Variants in RSBN1 observed in about 807,000 individuals in gnomAD.
RSBN1 encodes lysine-specific demethylase 9.
Under a neutral mutation model 74.8 loss-of-function variants are expected in RSBN1, and 23 were observed. The observed-to-expected ratio is 0.31, with a 90% CI of 0.22 to 0.44. The LOEUF (loss-of-function observed/expected upper bound fraction) is 0.44. Among genes scored for constraint, RSBN1 ranks in the 20% least tolerant of loss-of-function variants. The pLI is 1.00. For missense variants in RSBN1, 808 were observed against 1,020.9 expected (o/e 0.79, Z 2.84); for synonymous variants, 407 against 379.6 (o/e 1.07, Z -0.84).
chr1:113,771,810 C>CAAAAAA lies in RSBN1; in HGVS notation c.1659-3427_1659-3422dup, dbSNP rs71779986. ...TCAAGAAAAGTTTATGTTCCTACCT[C>CAAAAAA]AAAAAAAAAAAAAAAAAAAAGGAGG... is the stretch of plus-strand genomic sequence containing the variant. On this transcript the variant is annotated intron_variant, in intron 4 of 6. Transcript: ENST00000261441. 2.7e-5 allele frequency among the ~76,000 whole-genome samples: 2 copies of CAAAAAA among 75,344 alleles called. 1 individual carries two copies. The highest frequency in any genetic ancestry group is 5.0e-5 in the Non-Finnish European group (2 of 40,132). The allele number at this position is 75,344 out of a possible 152,430, so 49.4% of individuals were successfully genotyped here. A position where few individuals can be genotyped will look rare whatever the true frequency, so the allele number is the denominator to read the frequency against.
intron 2 of RSBN1, 29 bp downstream of exon 2, chr1:113,797,334 C>CTAAA (rs3838298): frequency 0.74 from 1,151,517 of 1,549,672 alleles, 433,589 homozygotes; most frequent in African/African-American, 0.9. Context: ...ATCGTATTTA[C>CTAAA]TAATTTTTAA....
rs574584555 is a variant in RSBN1 at position 113,800,715 on chromosome 1, T to C, written c.704-2679A>G. The stretch of plus-strand genomic sequence containing the variant: ...TGCGTTGATTGTAACACATTTTCTG[T>C]ATTACTATCAACTTTCCAGTGGTAT... On this transcript the variant is annotated intron_variant, in intron 1 of 6. Coordinates refer to ENST00000261441, the MANE Select transcript of RSBN1 (RefSeq NM_018364.5). 2.6e-5 allele frequency among the ~76,000 whole-genome samples: 4 copies of C among 152,254 alleles called. No individual in the cohort carries two copies. The East Asian group carries it at 7.7e-4, about 29-fold the overall frequency.
Position 113,812,344 on chromosome 1 carries a change from G to T in RSBN1, c.69C>A (p.Gly23=). ...ATCGCGCAAGCGCCGCCCGCGCACT[G>T]CCCGCTGGGCATTGGAGTCTCTCCT... The part of the protein sequence containing the change: ...RAEERLQCPA[G]SARAALARCA... The change falls in exon 1 of 7, where the codon GGC becomes GGA. Residue 23 remains glycine (G), a synonymous_variant. Coordinates refer to ENST00000261441, the MANE Select transcript of RSBN1 (RefSeq NM_018364.5). 6.2e-7 allele frequency: 1 copy of T among 1,603,470 alleles called. No individual in the cohort carries two copies. Among genetic ancestry groups the T allele is most frequent in the South Asian group, 1.1e-5 (1 of 91,002 alleles).
At chr1:113,810,291 A>G (rs548760515) in intron 1 of RSBN1, among the ~76,000 whole-genome samples, 10 of 152,274 alleles carry the variant, frequency 6.6e-5, no homozygotes, top group Admixed American at 1.3e-4. Context: ...TTGATTGAAC[A>G]GGCCTCTTTA....
At position 113,812,336 on chromosome 1, in the gene RSBN1, C is replaced by T. The variant is rs1371598038; in HGVS notation, c.77G>A (p.Arg26Gln). Residue 26 changes from arginine (R) to glutamine (Q), a missense_variant, in exon 1 of 7, where the codon CGG (arginine) becomes CAG (glutamine). By Grantham distance (43) the Arg-to-Gln change is conservative. Transcript: ENST00000261441. ...ERLQCPAGSA[R>Q]AALARCADGG... ...GTCCGCGCATCGCGCAAGCGCCGCC[C>T]GCGCACTGCCCGCTGGGCATTGGAG... The T allele has an allele frequency of 3.1e-6, 5 of 1,603,606 alleles. No individual in the cohort carries two copies. The East Asian group carries it at 6.7e-5, about 21-fold the overall frequency.
chr1:113,768,105 G>T, intron 5 of RSBN1, 117 bp downstream of exon 5: 4 of 825,098 alleles, frequency 4.8e-6, no homozygotes, highest in South Asian at 2.7e-5. Context: ...GGTTAAGATG[G>T]CAAACTTTAT....
chr1:113,789,132 G>T (rs1417936853), intron 2 of RSBN1, among the ~76,000 whole-genome samples: 1 of 152,062 alleles, frequency 6.6e-6, no homozygotes, highest in Admixed American at 6.6e-5. Context: ...AAAAATAAAG[G>T]TACAATTAGA....
At chr1:113,797,041 C>T (rs986393709) in intron 2 of RSBN1, among the ~76,000 whole-genome samples, 2 of 152,176 alleles carry the variant, frequency 1.3e-5, no homozygotes, top group Non-Finnish European at 1.5e-5. Flanking sequence ...TAAAGTTATC[C>T]TGAGACTAAC....
At position 113,811,861 on chromosome 1, in the gene RSBN1, C is replaced by G. The variant is rs533417369; in HGVS notation, c.552G>C (p.Lys184Asn). The change falls in exon 1 of 7, where the codon AAG (lysine) becomes AAC (asparagine). Residue 184 changes from lysine to asparagine, a missense_variant. Around this residue, in one of 6 missense-constraint regions of RSBN1, gnomAD observed 464 missense variants for 401.0 expected, o/e 1.16. Coordinates refer to ENST00000261441, the MANE Select transcript of RSBN1 (RefSeq NM_018364.5). ...SPLTVSAAGPKHKGHKERHKH... is the reference protein window; with the variant it reads ...SPLTVSAAGPNHKGHKERHKH... ...TGTGCCGCTCCTTGTGGCCCTTATG[C>G]TTGGGCCCGGCCGCGCTCACCGTCA... 6.2e-7 allele frequency: 1 copy of G among 1,613,408 alleles called. No homozygotes were observed. The highest frequency in any genetic ancestry group is 8.5e-7 in the Non-Finnish European group (1 of 1,179,880).
At position 113,798,026 on chromosome 1, in the gene RSBN1, A is replaced by C. The variant is rs774555328; in HGVS notation, c.714T>G (p.Asp238Glu). Residue 238 changes from aspartate (D) to glutamate (E), a missense_variant, in exon 2 of 7, where the codon GAT becomes GAG. Coordinates refer to ENST00000261441, the MANE Select transcript of RSBN1 (RefSeq NM_018364.5). ...CGGCTCTCTGGGTTTTACCATTTTC[A>C]TCTGGTGTTTCTGGCCACAATAATT... Reference protein sequence around the residue: ...LIKAPKRETPDENGKTQRADD... With the variant: ...LIKAPKRETPEENGKTQRADD... 2 of 1,600,412 alleles carry C rather than the reference A, an allele frequency of 1.2e-6. No homozygotes were observed. Among genetic ancestry groups the C allele is most frequent in the Non-Finnish European group, 1.7e-6 (2 of 1,175,818 alleles).
At chr1:113,801,720 C>G (rs1660587516) in intron 1 of RSBN1, among the ~76,000 whole-genome samples, 1 of 152,182 alleles carries the variant, frequency 6.6e-6, no homozygotes, top group Admixed American at 6.5e-5. Flanking sequence ...TTAAGAAAAA[C>G]TTTCACCTAT....
intron 1 of RSBN1, among the ~76,000 whole-genome samples, chr1:113,810,942 C>A (rs563675097): frequency 4.6e-5 from 7 of 152,160 alleles, no homozygotes; most frequent in Admixed American, 2.0e-4. Context: ...TAATTGGATA[C>A]TCTGACATTT....
At chr1:113,780,015 G>A (rs1571299315) in intron 2 of RSBN1, among the ~76,000 whole-genome samples, 4 of 150,184 alleles carry the variant, frequency 2.7e-5, no homozygotes, top group East Asian at 3.9e-4. Context: ...GCAAGACTCC[G>A]TCTCAAAAAA....
chr1:113,801,765 A>G (rs1660588684), intron 1 of RSBN1, among the ~76,000 whole-genome samples: 1 of 152,210 alleles, frequency 6.6e-6, no homozygotes, highest in African/African-American at 2.4e-5. Flanking sequence ...AGAAATACAT[A>G]ATTCTACAGA....
chr1:113,787,580 T>C (rs2797409), intron 2 of RSBN1, among the ~76,000 whole-genome samples: 42,250 of 151,982 alleles, frequency 0.28, 6,339 homozygotes, highest in East Asian at 0.61. Context: ...GTGAACTAAA[T>C]GACTACAGAC....
In RSBN1 at chr1:113,797,634, C is replaced by G. The variant is rs1282883775; in HGVS notation, c.1106G>C (p.Gly369Ala). 6.2e-7 allele frequency: 1 copy of G among 1,614,010 alleles called. No individual in the cohort carries two copies. Among genetic ancestry groups the G allele is most frequent in the Non-Finnish European group, 8.5e-7 (1 of 1,179,974 alleles). ...FIHEEHQSNG[G>A]ALVLHAYMDE... ...CATGTAAGCATGAAGGACAAGAGCA[C>G]CACCATTGGACTGGTGTTCCTCATG... The change falls in exon 2 of 7, where the codon GGT becomes GCT. Residue 369 changes from glycine to alanine, a missense_variant. Transcript: ENST00000261441.
At chr1:113,801,345 A>T (rs547469103) in intron 1 of RSBN1, among the ~76,000 whole-genome samples, 1 of 152,276 alleles carries the variant, frequency 6.6e-6, no homozygotes, top group East Asian at 1.9e-4. Context: ...TTTTACAGAG[A>T]AATTTAAGAC....
At chr1:113,775,798 A>T (rs1017182438) in intron 4 of RSBN1, among the ~76,000 whole-genome samples, 1 of 152,234 alleles carries the variant, frequency 6.6e-6, no homozygotes, top group Non-Finnish European at 1.5e-5. Context: ...AAAAACTGCT[A>T]TAATCTAGCA....
Position 113,811,890 on chromosome 1 carries a change from G to A in RSBN1, c.523C>T (p.Pro175Ser), listed in dbSNP as rs1182552682. 6.2e-7 allele frequency: 1 copy of A among 1,612,618 alleles called. No homozygotes were observed. The highest frequency in any genetic ancestry group is 1.7e-5 in the Admixed American group (1 of 59,956). ...GGCCCGGCCGCGCTCACCGTCAGAG[G>A]CGAGAAGGTGAAGAGGGCCGAGGTG... ...PSTSALFTFS[P>S]LTVSAAGPKH... Residue 175 changes from proline to serine, a missense_variant, in exon 1 of 7, where the codon CCT becomes TCT. Pro to Ser is a moderately conservative substitution (Grantham distance 74). Around this residue, in one of 6 missense-constraint regions of RSBN1, gnomAD observed 464 missense variants for 401.0 expected, o/e 1.16. Transcript: ENST00000261441.
Sources: allele counts gnomAD v4.1 joint callset (sites outside exome capture counted in the v4.1 genomes callset), GRCh38; gene constraint gnomAD v4.1.1; regional missense constraint gnomAD v4.1.1; transcripts MANE v1.5; gene names NCBI Gene and HGNC (gene_info 2026-07-23, HGNC 2026-07-21).